Variants in AK5 observed in about 807,000 individuals in gnomAD.
AK5 encodes adenylate kinase isoenzyme 5.
A neutral mutation model predicts 69.5 loss-of-function variants in AK5; 27 were observed. That is an observed-to-expected ratio of 0.39 (90% CI 0.29 to 0.54). AK5 has a LOEUF of 0.54. Among genes scored for constraint, AK5 ranks in the 20% least tolerant of loss-of-function variants. AK5 has a pLI of 0.71. For synonymous variants in AK5, 260 were observed against 244.4 expected, an observed-to-expected ratio of 1.06 and a Z score of -0.60; for missense variants, 531 against 700.4, an observed-to-expected ratio of 0.76 and a Z score of 2.73.
At chr1:77,365,182 C>G (rs1557530195) in intron 6 of AK5, among the ~76,000 whole-genome samples, 1 of 151,996 alleles carries the variant, frequency 6.6e-6, no homozygotes, top group Non-Finnish European at 1.5e-5. Context: ...AATGCCTGTT[C>G]AGGTCAATGG....
At chr1:77,334,205 T>C (rs1661231122) in intron 5 of AK5, among the ~76,000 whole-genome samples, 1 of 152,132 alleles carries the variant, frequency 6.6e-6, no homozygotes, top group Non-Finnish European at 1.5e-5. Context: ...TTTTGAAAGA[T>C]TTTTTTGCTG....
At chr1:77,376,788 A>C (rs1163021057) in intron 6 of AK5, among the ~76,000 whole-genome samples, 2 of 152,062 alleles carry the variant, frequency 1.3e-5, no homozygotes, top group Non-Finnish European at 2.9e-5. Flanking sequence ...AAAAGATAAA[A>C]AAAATTAGCT....
At chr1:77,409,370 C>T (rs1193595040) in intron 6 of AK5, among the ~76,000 whole-genome samples, 1 of 152,202 alleles carries the variant, frequency 6.6e-6, no homozygotes, top group Non-Finnish European at 1.5e-5. Flanking sequence ...CTAATTTACA[C>T]TCCCACCAAC....
rs147137832 is a variant in AK5 at position 77,453,642 on chromosome 1, T to A, written c.1060-29675T>A. ...CTATAATAAACAGCAGGGGAGAAAG[T>A]GAGAAGGGACTGACTCTTGCCTCTA... On this transcript the variant is annotated intron_variant, in intron 8 of 13. Coordinates refer to ENST00000354567, the MANE Select transcript of AK5 (RefSeq NM_174858.3). Among the ~76,000 whole-genome samples the A allele has an allele frequency of 3.7e-4, 56 of 152,310 alleles. No homozygotes were observed. In the East Asian group the frequency reaches 9.5e-3, roughly 26 times the overall value.
chr1:77,447,028 G>C (rs893671969), intron 8 of AK5, among the ~76,000 whole-genome samples: 2 of 152,194 alleles, frequency 1.3e-5, no homozygotes, highest in African/African-American at 4.8e-5. Flanking sequence ...GTCATTGGTG[G>C]TCTACTGCAA....
At position 77,550,249 on chromosome 1, in the gene AK5, A is replaced by C. The variant is rs1391859382; in HGVS notation, c.1621-8353A>C. ...CGTGAGCCATTCCATCCAGCTGGTA[A>C]ATTCTTGAAGTCAGAAGCAAATCTA... On this transcript the variant is annotated intron_variant, in intron 13 of 13. Transcript: ENST00000354567. Among the ~76,000 whole-genome samples the C allele has an allele frequency of 2.6e-5, 4 of 152,178 alleles. No homozygotes were observed. The East Asian group carries it at 7.7e-4, about 29-fold the overall frequency.
At chr1:77,389,158 C>A (rs1645198489) in intron 6 of AK5, among the ~76,000 whole-genome samples, 1 of 152,150 alleles carries the variant, frequency 6.6e-6, no homozygotes. Context: ...GTGGATATCC[C>A]AAGGCTGCCT....
chr1:77,341,466 G>A (rs920413015), intron 6 of AK5, among the ~76,000 whole-genome samples: 3 of 152,200 alleles, frequency 2.0e-5, no homozygotes, highest in Admixed American at 1.3e-4. Context: ...TGGGTTACAA[G>A]CCTCTGTAGA....
At chr1:77,456,444 C>T (rs1471453270) in intron 8 of AK5, among the ~76,000 whole-genome samples, 1 of 152,224 alleles carries the variant, frequency 6.6e-6, no homozygotes, top group Non-Finnish European at 1.5e-5. Flanking sequence ...TTACACCTTG[C>T]TAGAGAAGAG....
At chr1:77,385,922 A>G (rs1647993865) in intron 6 of AK5, among the ~76,000 whole-genome samples, 1 of 152,256 alleles carries the variant, frequency 6.6e-6, no homozygotes, top group African/African-American at 2.4e-5. Context: ...ATTGTTTATA[A>G]TGGCAATAAC....
chr1:77,540,913 C>CT (rs1227673548), intron 13 of AK5, among the ~76,000 whole-genome samples: 62 of 148,218 alleles, frequency 4.2e-4, no homozygotes, highest in Non-Finnish European at 7.6e-4. Flanking sequence ...TTGTTTGTTT[C>CT]TTTTTTTTTT....
intron 13 of AK5, among the ~76,000 whole-genome samples, chr1:77,537,982 G>C (rs1659061399): frequency 6.6e-6 from 1 of 152,088 alleles, no homozygotes; most frequent in African/African-American, 2.4e-5. Flanking sequence ...TGCAACCTGA[G>C]ACTTATTTGT....
chr1:77,358,022 A>T (rs75075574), intron 6 of AK5, among the ~76,000 whole-genome samples: 6,773 of 44,170 alleles, frequency 0.15, 163 homozygotes, highest in Middle Eastern at 0.26. Flanking sequence ...TGTGTGTGAG[A>T]GAGAGAGAGA....
At chr1:77,474,982 T>C (rs1654755111) in intron 8 of AK5, among the ~76,000 whole-genome samples, 2 of 151,594 alleles carry the variant, frequency 1.3e-5, no homozygotes, top group Non-Finnish European at 2.9e-5. Context: ...TTTAACTTCT[T>C]TGTACAGACG....
At chr1:77,398,052 G>A (rs1186780646) in intron 6 of AK5, among the ~76,000 whole-genome samples, 1 of 152,076 alleles carries the variant, frequency 6.6e-6, no homozygotes, top group Non-Finnish European at 1.5e-5. Context: ...GATTCCACTT[G>A]ATCTCCATTG....
chr1:77,473,672 T>A (rs1654659978), intron 8 of AK5, among the ~76,000 whole-genome samples: 1 of 152,244 alleles, frequency 6.6e-6, no homozygotes, highest in South Asian at 2.1e-4. Context: ...CTTATATTCA[T>A]CATTTACAAA....
chr1:77,557,497 C>T (rs1342747778), intron 13 of AK5, among the ~76,000 whole-genome samples: 1 of 152,058 alleles, frequency 6.6e-6, no homozygotes, highest in Non-Finnish European at 1.5e-5. Context: ...GCGGTGGGTG[C>T]GTTAGGAGAG....
chr1:77,332,547 G>A (rs1002921680), intron 5 of AK5, among the ~76,000 whole-genome samples: 1 of 149,798 alleles, frequency 6.7e-6, no homozygotes, highest in African/African-American at 2.4e-5. Flanking sequence ...TATTATTAGT[G>A]TGTCATTTAA....
chr1:77,471,527 C>T (rs1281485083), intron 8 of AK5, among the ~76,000 whole-genome samples: 2 of 152,158 alleles, frequency 1.3e-5, no homozygotes, highest in Non-Finnish European at 2.9e-5. Context: ...TAGTACTGAC[C>T]TTTATTAAAC....
Sources: gnomAD v4.1 joint callset for allele counts (sites outside exome capture counted in the v4.1 genomes callset) on GRCh38, gnomAD v4.1.1 for gene constraint, MANE v1.5 for transcripts, NCBI Gene and HGNC (gene_info 2026-07-23, HGNC 2026-07-21) for gene names.